PDE4B: variants seen among roughly 807,000 people sequenced by gnomAD.
PDE4B encodes the protein phosphodiesterase 4B.
Under a neutral mutation model 82.2 loss-of-function variants are expected in PDE4B, and 20 were observed. That is an observed-to-expected ratio of 0.24 (90% confidence interval 0.17 to 0.35). The LOEUF (loss-of-function observed/expected upper bound fraction) is 0.35, where lower values mean the gene tolerates loss of function less well. PDE4B is among the 10% of genes least tolerant of loss of function. PDE4B has a pLI of 1.00. For missense variants in PDE4B, 655 were observed against 907.2 expected (o/e 0.72, Z 3.57); for synonymous variants, 320 against 318.9 (o/e 1.00, Z -0.04).
chr1:66,170,222 G>C (rs1646813035), intron 3 of PDE4B, among the ~76,000 whole-genome samples: 1 of 152,132 alleles, frequency 6.6e-6, no homozygotes, highest in Non-Finnish European at 1.5e-5. Flanking sequence ...AATTTTATCT[G>C]ACAGTTCAGG....
At chr1:66,280,723 C>T (rs1216418966) in intron 7 of PDE4B, among the ~76,000 whole-genome samples, 1 of 152,142 alleles carries the variant, frequency 6.6e-6, no homozygotes, top group African/African-American at 2.4e-5. Context: ...AGCACATTGG[C>T]ACCAGGCCCC....
At chr1:65,989,775 C>G (rs1651146780) in intron 3 of PDE4B, among the ~76,000 whole-genome samples, 1 of 152,006 alleles carries the variant, frequency 6.6e-6, no homozygotes, top group African/African-American at 2.4e-5. Flanking sequence ...GTATACTTTG[C>G]TGAAATATAG....
At chr1:65,801,799 G>A (rs1645697369) in intron 1 of PDE4B, among the ~76,000 whole-genome samples, 1 of 152,186 alleles carries the variant, frequency 6.6e-6, no homozygotes, top group African/African-American at 2.4e-5. Context: ...TAGGCAAAAT[G>A]TATAGCAAAG....
intron 3 of PDE4B, among the ~76,000 whole-genome samples, chr1:66,126,542 A>G (rs1481095045): frequency 6.6e-6 from 1 of 152,224 alleles, no homozygotes; most frequent in Non-Finnish European, 1.5e-5. Flanking sequence ...AAAAAGTAAA[A>G]TGATAATTTA....
intron 1 of PDE4B, among the ~76,000 whole-genome samples, chr1:65,834,244 A>G (rs966019418): frequency 6.6e-5 from 10 of 152,106 alleles, no homozygotes; most frequent in African/African-American, 2.4e-4. Context: ...GGGTTTTGCC[A>G]TGTTGGCCAG....
intron 3 of PDE4B, among the ~76,000 whole-genome samples, chr1:65,942,445 A>T (rs1648497023): frequency 6.6e-6 from 1 of 151,952 alleles, no homozygotes; most frequent in Admixed American, 6.6e-5. Context: ...ATAGACACTT[A>T]GGTTGATTCC....
At chr1:66,106,151 C>T (rs1298098327) in intron 3 of PDE4B, among the ~76,000 whole-genome samples, 5 of 152,090 alleles carry the variant, frequency 3.3e-5, no homozygotes, top group African/African-American at 1.2e-4. Flanking sequence ...TAGCATGAAG[C>T]ATTGTTGAAT....
At chr1:66,044,565 A>G (rs1199537272) in intron 3 of PDE4B, among the ~76,000 whole-genome samples, 2 of 151,882 alleles carry the variant, frequency 1.3e-5, no homozygotes, top group East Asian at 1.9e-4. Context: ...AACATTGGCT[A>G]TATCTTTAAT....
At chr1:66,183,369 A>T (rs1647111550) in intron 3 of PDE4B, among the ~76,000 whole-genome samples, 1 of 152,220 alleles carries the variant, frequency 6.6e-6, no homozygotes, top group South Asian at 2.1e-4. Flanking sequence ...CAATTTAGGG[A>T]TACAGCTGAG....
intron 7 of PDE4B, among the ~76,000 whole-genome samples, chr1:66,277,072 A>T (rs1466308383): frequency 6.6e-6 from 1 of 152,190 alleles, no homozygotes; most frequent in African/African-American, 2.4e-5. Context: ...GTAGATTAGA[A>T]GATAGGAAAG....
chr1:66,032,800 G>C (rs571140193), intron 3 of PDE4B, among the ~76,000 whole-genome samples: 1 of 151,942 alleles, frequency 6.6e-6, no homozygotes, highest in African/African-American at 2.4e-5. Flanking sequence ...GACTACAGGC[G>C]CCTGCCACCA....
At chr1:66,303,088 T>TAGG (rs1321727131) in intron 7 of PDE4B, among the ~76,000 whole-genome samples, 1 of 152,134 alleles carries the variant, frequency 6.6e-6, no homozygotes, top group Non-Finnish European at 1.5e-5. Flanking sequence ...GAATACTTAT[T>TAGG]CACGAGTCAT....
intron 3 of PDE4B, among the ~76,000 whole-genome samples, chr1:66,000,740 C>G (rs1023133021): frequency 6.6e-6 from 1 of 152,214 alleles, no homozygotes; most frequent in African/African-American, 2.4e-5. Flanking sequence ...CAGACCAAGG[C>G]TTGTCCTCCT....
At chr1:66,117,927 A>C (rs1418823713) in intron 3 of PDE4B, among the ~76,000 whole-genome samples, 1 of 152,212 alleles carries the variant, frequency 6.6e-6, no homozygotes, top group Non-Finnish European at 1.5e-5. Flanking sequence ...AGTCCCACCA[A>C]CAGTGTAAAA....
chr1:66,090,643 GTACGTATATATA>G (rs1644998239), intron 3 of PDE4B, among the ~76,000 whole-genome samples: 1 of 92,588 alleles, frequency 1.1e-5, no homozygotes, highest in African/African-American at 5.9e-5. Context: ...GTGTGTGTAT[GTACGTATATATA>G]TGTATGTATA....
chr1:66,113,874 C>T (rs890051596), intron 3 of PDE4B, among the ~76,000 whole-genome samples: 1 of 152,116 alleles, frequency 6.6e-6, no homozygotes, highest in Non-Finnish European at 1.5e-5. Flanking sequence ...TTATTAAGTG[C>T]TTACCTTAAG....
At chr1:65,900,632 C>T (rs976314361) in intron 1 of PDE4B, among the ~76,000 whole-genome samples, 7 of 151,978 alleles carry the variant, frequency 4.6e-5, no homozygotes, top group African/African-American at 1.7e-4. Context: ...TGATTTCTTT[C>T]AGCAATGTTT....
chr1:66,202,915 A>G (rs1084493), intron 3 of PDE4B, among the ~76,000 whole-genome samples: 68,668 of 149,716 alleles, frequency 0.46, 15,967 homozygotes, highest in African/African-American at 0.52. Flanking sequence ...TATTTTGCTC[A>G]TTAGTTGATG....
intron 3 of PDE4B, among the ~76,000 whole-genome samples, chr1:66,005,280 G>A (rs1290555174): frequency 2.7e-5 from 2 of 74,380 alleles, no homozygotes; most frequent in African/African-American, 4.9e-5. Context: ...TCTACCCCAC[G>A]GGTCTTTATA....
Sources: allele counts gnomAD v4.1 joint callset (sites outside exome capture counted in the v4.1 genomes callset), GRCh38; gene constraint gnomAD v4.1.1; transcripts MANE v1.5; gene names NCBI Gene and HGNC (gene_info 2026-07-23, HGNC 2026-07-21).